The following TENM2 variants were observed in gnomAD, a reference collection of about 807,000 sequenced individuals.
The protein encoded by TENM2 is teneurin-2.
Under a neutral mutation model 245.2 loss-of-function variants are expected in TENM2, and 52 were observed. The observed-to-expected ratio is 0.21, with a 90% CI of 0.17 to 0.27. TENM2 has a LOEUF of 0.27. Ranked by LOEUF, TENM2 falls within the 10% of genes least tolerant of loss-of-function variation. TENM2 has a pLI of 1.00. For missense variants in TENM2, 3,046 were observed against 3,666.8 expected (o/e 0.83, Z 4.37); for synonymous variants, 1,363 against 1,438.9 (o/e 0.95, Z 1.19).
chr5:167,249,738 A>G, the TENM2 span, among the ~76,000 whole-genome samples: 1 of 152,148 alleles, frequency 6.6e-6, no homozygotes, highest in Non-Finnish European at 1.5e-5. Flanking sequence ...CCTATCAAGG[A>G]ATCAAGACAG....
chr5:167,642,968 G>A (rs1402938566), intron 2 of TENM2, among the ~76,000 whole-genome samples: 3 of 152,224 alleles, frequency 2.0e-5, no homozygotes, highest in South Asian at 2.1e-4. Flanking sequence ...AGTGCTCAGC[G>A]GATGTTCCCA....
the TENM2 span, among the ~76,000 whole-genome samples, chr5:167,272,102 G>A: frequency 2.0e-5 from 3 of 152,222 alleles, no homozygotes; most frequent in East Asian, 3.9e-4. Context: ...TGTCCATCAG[G>A]CCCTTCTTGG....
chr5:167,094,684 C>T, the TENM2 span, among the ~76,000 whole-genome samples: 7,253 of 152,116 alleles, frequency 0.048, 236 homozygotes, highest in Non-Finnish European at 0.071. Context: ...GGAGAAGACC[C>T]GGGTGAGTTC....
At position 168,218,131 on chromosome 5, in the gene TENM2, C is replaced by T; in HGVS notation, c.4240C>T (p.Leu1414=). The T allele has an allele frequency of 1.2e-6, 2 of 1,611,982 alleles. No homozygotes were observed. Among genetic ancestry groups the T allele is most frequent in the Non-Finnish European group, 1.7e-6 (2 of 1,178,288 alleles). Residue 1414 remains leucine (L), a synonymous_variant, in exon 23 of 29, where the codon CTG becomes TTG. Transcript: ENST00000518659. The surrounding 1 kb of genome is among the most constrained non-coding windows in gnomAD (Gnocchi z 5.2). ...GATACCACGTCATCCACAGGTTCGTCTGGAGTGGCCAACAGACCTTGCTGT... is the reference window on the plus strand; with the variant it reads ...GATACCACGTCATCCACAGGTTCGTTTGGAGTGGCCAACAGACCTTGCTGT...
At chr5:168,028,886 A>G (rs1198375410) in intron 5 of TENM2, among the ~76,000 whole-genome samples, 1 of 151,918 alleles carries the variant, frequency 6.6e-6, no homozygotes, top group Admixed American at 6.5e-5. Context: ...AAACTGGGAA[A>G]GTGGAGCTCT....
the TENM2 span, among the ~76,000 whole-genome samples, chr5:167,067,995 A>C: frequency 1.3e-5 from 2 of 152,240 alleles, no homozygotes; most frequent in Non-Finnish European, 2.9e-5. Context: ...GACAACATCC[A>C]CAGCACATGG....
At chr5:168,065,294 C>A (rs1390890344) in intron 7 of TENM2, among the ~76,000 whole-genome samples, 1 of 152,138 alleles carries the variant, frequency 6.6e-6, no homozygotes, top group Non-Finnish European at 1.5e-5. Context: ...TCTGTCCCAG[C>A]TGACTTTTTG....
the TENM2 span, among the ~76,000 whole-genome samples, chr5:167,062,289 G>T: frequency 6.6e-6 from 1 of 152,058 alleles, no homozygotes; most frequent in Non-Finnish European, 1.5e-5. Flanking sequence ...CTCTTCTGAA[G>T]GCTAATAGGG....
At chr5:167,433,302 G>A (rs1764358553) in intron 2 of TENM2, among the ~76,000 whole-genome samples, 1 of 152,066 alleles carries the variant, frequency 6.6e-6, no homozygotes, top group African/African-American at 2.4e-5. Context: ...TCTCTACTCA[G>A]TATATTTTTA....
At chr5:167,800,104 C>G (rs1199440112) in intron 2 of TENM2, among the ~76,000 whole-genome samples, 2 of 152,214 alleles carry the variant, frequency 1.3e-5, no homozygotes, top group Admixed American at 1.3e-4. Flanking sequence ...GATAACAAAT[C>G]TGGCTGGACA....
the TENM2 span, among the ~76,000 whole-genome samples, chr5:167,075,404 G>A: frequency 6.6e-6 from 1 of 152,224 alleles, no homozygotes. Flanking sequence ...GTGACAAGAC[G>A]GTTTTTTGGT....
the TENM2 span, among the ~76,000 whole-genome samples, chr5:167,176,521 TAGAA>T: frequency 1.3e-5 from 2 of 152,340 alleles, no homozygotes; most frequent in East Asian, 1.9e-4. Context: ...TCTACCAACT[TAGAA>T]AGGAAGGTAT....
At position 167,446,207 on chromosome 5, in the gene TENM2, C is replaced by T. The variant is rs140804116; in HGVS notation, c.502+70734C>T. Among the ~76,000 whole-genome samples the T allele has an allele frequency of 5.9e-3, 891 of 152,256 alleles. 2 individuals are homozygous for T. The highest frequency in any genetic ancestry group is 0.01 in the Middle Eastern group (3 of 294). On this transcript the variant is annotated intron_variant, in intron 2 of 28. Coordinates refer to ENST00000518659, the Ensembl canonical transcript of TENM2. ...ATTTAGTGTTTTGTCAAAGGTTTTT[C>T]TCCTCCTGGACTCTGAAAGGCGAGT...
intron 4 of TENM2, among the ~76,000 whole-genome samples, chr5:167,968,980 C>T (rs1024028915): frequency 2.0e-5 from 3 of 152,218 alleles, no homozygotes; most frequent in Non-Finnish European, 4.4e-5. Context: ...TACAAGGAGA[C>T]ATTGTAGTTC....
the TENM2 span, among the ~76,000 whole-genome samples, chr5:167,242,331 T>C: frequency 6.6e-6 from 1 of 152,220 alleles, no homozygotes; most frequent in South Asian, 2.1e-4. Flanking sequence ...ATTACAGGCA[T>C]GAGCCACTGC....
At chr5:166,992,595 T>C in the TENM2 span, among the ~76,000 whole-genome samples, 1 of 152,292 alleles carries the variant, frequency 6.6e-6, no homozygotes, top group African/African-American at 2.4e-5. Flanking sequence ...TTCAAAAGTA[T>C]TTCAGGCAAC....
the TENM2 span, among the ~76,000 whole-genome samples, chr5:167,083,272 T>C: frequency 6.6e-6 from 1 of 152,176 alleles, no homozygotes; most frequent in African/African-American, 2.4e-5. Flanking sequence ...GGAGGAAATC[T>C]TTTTGGACTA....
At chr5:167,472,420 G>A (rs1767089283) in intron 2 of TENM2, among the ~76,000 whole-genome samples, 1 of 152,176 alleles carries the variant, frequency 6.6e-6, no homozygotes, top group Non-Finnish European at 1.5e-5. Context: ...TGTTTTGACA[G>A]TGGCTAGAAC....
At chr5:167,490,869 G>T (rs188357845) in intron 2 of TENM2, among the ~76,000 whole-genome samples, 74 of 152,288 alleles carry the variant, frequency 4.9e-4, no homozygotes, top group Admixed American at 3.5e-3. Context: ...TAAGTCCCAA[G>T]GTAAGGTAGT....
Sources: gnomAD v4.1 joint callset for allele counts (sites outside exome capture counted in the v4.1 genomes callset) on GRCh38, gnomAD v4.1.1 for gene constraint, Gnocchi (gnomAD v3.1) non-coding constraint, MANE v1.5 for transcripts, NCBI Gene and HGNC (gene_info 2026-07-23, HGNC 2026-07-21) for gene names.